Variants in MTERF4 observed in about 807,000 individuals in gnomAD.
The protein encoded by MTERF4 is mitochondrial transcription termination factor 4, also known as transcription termination factor 4, mitochondrial.
In MTERF4, 17 loss-of-function variants were observed where a neutral mutation model predicts 22.5. The observed-to-expected ratio is 0.75, with a 90% confidence interval of 0.52 to 1.13. The LOEUF (loss-of-function observed/expected upper bound fraction) is 1.13, where lower values mean the gene tolerates loss of function less well. MTERF4 is among the 50% of genes most tolerant of loss of function. MTERF4 has a pLI of 0.00. For synonymous variants in MTERF4, 165 were observed against 175.3 expected (o/e 0.94, Z 0.47); for missense variants, 420 against 466.8 (o/e 0.90, Z 0.92).
At chr2:241,101,871 G>A (rs1014867110) in intron 1 of MTERF4, among the ~76,000 whole-genome samples, 8 of 152,136 alleles carry the variant, frequency 5.3e-5, no homozygotes, top group Non-Finnish European at 1.5e-5. Context: ...TGGCCAACAC[G>A]GTGAAACCCC....
chr2:241,097,360 G>A lies in MTERF4; in HGVS notation c.588C>T (p.Asp196=). 5.6e-6 allele frequency: 9 copies of A among 1,614,228 alleles called. No individual in the cohort carries two copies. Among genetic ancestry groups the A allele is most frequent in the Non-Finnish European group, 7.6e-6 (9 of 1,180,044 alleles). ...IFTMRQQDIN[D]TVRLLKEKCL... Reference sequence around the variant, plus strand: ...ACTTCTCCTTGAGAAGCCTGACAGTGTCGTTAATGTCCTGCTGGCGCATGG... The same window carrying A: ...ACTTCTCCTTGAGAAGCCTGACAGTATCGTTAATGTCCTGCTGGCGCATGG... The change falls in exon 3 of 4, where the codon GAC becomes GAT. Residue 196 remains aspartate, a synonymous_variant. Transcript: ENST00000391980.
At chr2:241,068,767 C>A, downstream of MTERF4, 1 of 619,048 alleles carries the variant, frequency 1.6e-6, no homozygotes. This position sits in a 1 kb window ranked among gnomAD's most constrained non-coding sequence, Gnocchi z 5.3. Flanking sequence ...CATGAGTCTG[C>A]CCCTCGTGGA....
downstream of MTERF4, chr2:241,088,386 AC>A (rs779889614): frequency 1.2e-6 from 2 of 1,612,230 alleles, no homozygotes; most frequent in South Asian, 2.2e-5. Flanking sequence ...AGAGTCAGAC[AC>A]TGGAGAAATC....
the MTERF4 span, among the ~76,000 whole-genome samples, chr2:241,046,888 T>C: frequency 6.6e-6 from 1 of 152,190 alleles, no homozygotes; most frequent in Admixed American, 6.5e-5. Flanking sequence ...CTCACCCCTG[T>C]AATCCCAGCA....
intron 4 of MTERF4, chr2:241,081,628 G>T: frequency 7.4e-7 from 1 of 1,359,386 alleles, no homozygotes; most frequent in African/African-American, 1.4e-5. Flanking sequence ...CATGAGGCAG[G>T]CCTGTCCTGG....
At chr2:241,050,163 G>GA in the MTERF4 span, 1 of 579,524 alleles carries the variant, frequency 1.7e-6, no homozygotes, top group South Asian at 2.1e-5. Flanking sequence ...TTGCTCTTCT[G>GA]AAAATAGGCT....
chr2:241,069,065 T>A, downstream of MTERF4: 1 of 1,368,574 alleles, frequency 7.3e-7, no homozygotes, highest in South Asian at 1.3e-5. The surrounding 1 kb of genome is among the most constrained non-coding windows in gnomAD (Gnocchi z 4.9). Context: ...AAAGGCCGTC[T>A]TCTAGAAGCT....
chr2:241,094,043 G>T (rs1033007564), downstream of MTERF4: 3 of 319,368 alleles, frequency 9.4e-6, no homozygotes, highest in Non-Finnish European at 1.9e-5. This position sits in a 1 kb window ranked among gnomAD's most constrained non-coding sequence, Gnocchi z 4.3. Flanking sequence ...AGGTTCTAGG[G>T]AGGGTGGCAG....
the MTERF4 span, among the ~76,000 whole-genome samples, chr2:241,056,742 G>A: frequency 3.3e-5 from 5 of 151,702 alleles, no homozygotes; most frequent in Non-Finnish European, 5.9e-5. Context: ...CACCACGCCC[G>A]GCTAATTTTT....
At chr2:241,071,728 C>T (rs555740407), downstream of MTERF4, 7 of 1,309,262 alleles carry the variant, frequency 5.3e-6, no homozygotes, top group Non-Finnish European at 7.4e-6. Context: ...CAGGTACATG[C>T]CCCACCCATC....
chr2:241,045,797 A>G, the MTERF4 span, among the ~76,000 whole-genome samples: 1 of 152,136 alleles, frequency 6.6e-6, no homozygotes, highest in Non-Finnish European at 1.5e-5. Context: ...AAAAAGAAAA[A>G]GATAAATTAG....
At chr2:241,071,779 TC>T, downstream of MTERF4, 1 of 1,425,122 alleles carries the variant, frequency 7.0e-7, no homozygotes, top group Admixed American at 2.1e-5. Flanking sequence ...GTGGTGACCC[TC>T]CCACCCTCTC....
At chr2:241,068,922 C>T, downstream of MTERF4, 5 of 1,551,650 alleles carry the variant, frequency 3.2e-6, no homozygotes, top group Non-Finnish European at 4.4e-6. This position sits in a 1 kb window ranked among gnomAD's most constrained non-coding sequence, Gnocchi z 5.3. Flanking sequence ...GCCCTGCTGC[C>T]TGGGAAGAGG....
Position 241,099,389 on chromosome 2 carries a change from C to A in MTERF4, c.520+7G>T. 8 of 1,610,536 alleles carry A rather than the reference C, an allele frequency of 5.0e-6. No homozygotes were observed. Among genetic ancestry groups the A allele is most frequent in the Non-Finnish European group, 6.8e-6 (8 of 1,178,174 alleles). On this transcript the variant is annotated splice_region_variant and intron_variant, in intron 2 of 3. Transcript: ENST00000391980. ...CGCACCCAGCCAAAATCTGCAACTT[C>A]TTGTACCTTCTCCAAGCCCAAGCTT...
the MTERF4 span, chr2:241,063,029 GC>G: frequency 1.6e-6 from 1 of 616,698 alleles, no homozygotes; most frequent in Non-Finnish European, 2.8e-6. Context: ...GCTTTCTCGG[GC>G]CCCTGCCAGC....
At chr2:241,093,588 C>G (rs995190179), downstream of MTERF4, 1 of 147,504 alleles carries the variant, frequency 6.8e-6, no homozygotes, top group African/African-American at 2.6e-5. Flanking sequence ...AAGCTTGGTG[C>G]CACACAGCAA....
At chr2:241,047,904 TCC>T in the MTERF4 span, among the ~76,000 whole-genome samples, 1 of 151,792 alleles carries the variant, frequency 6.6e-6, no homozygotes, top group African/African-American at 2.4e-5. Flanking sequence ...GGGTGGTCTC[TCC>T]GGTGCTTCTT....
the MTERF4 span, among the ~76,000 whole-genome samples, chr2:241,066,649 G>T: frequency 6.6e-6 from 1 of 152,142 alleles, no homozygotes; most frequent in African/African-American, 2.4e-5. Flanking sequence ...TGGGTGGGTG[G>T]CCAGGGCTTC....
chr2:241,057,304 C>T, the MTERF4 span, among the ~76,000 whole-genome samples: 2 of 150,414 alleles, frequency 1.3e-5, no homozygotes, highest in Non-Finnish European at 2.9e-5. Context: ...GCTTGAACCT[C>T]GGAGGCGGAG....
Sources: allele counts gnomAD v4.1 joint callset (sites outside exome capture counted in the v4.1 genomes callset), GRCh38; gene constraint gnomAD v4.1.1; non-coding constraint Gnocchi (gnomAD v3.1); transcripts MANE v1.5; gene names NCBI Gene and HGNC (gene_info 2026-07-23, HGNC 2026-07-21).